Variants in ANKRD30B observed in about 807,000 individuals in gnomAD.
ANKRD30B encodes the protein ankyrin repeat domain 30B, also known as ankyrin repeat domain-containing protein 30B.
In ANKRD30B, 144 loss-of-function variants were observed where a neutral mutation model predicts 202.2. That is an observed-to-expected ratio of 0.71 (90% CI 0.62 to 0.82). ANKRD30B has a LOEUF of 0.82. Ranked by LOEUF, ANKRD30B falls within the 40% of genes least tolerant of loss-of-function variation. ANKRD30B has a pLI of 0.00. For synonymous variants in ANKRD30B, 508 were observed against 561.3 expected (o/e 0.91, Z 1.34); for missense variants, 1,487 against 1,669.1 (o/e 0.89, Z 1.90).
intron 6 of ANKRD30B, among the ~76,000 whole-genome samples, chr18:14,762,473 G>T (rs536246143): frequency 3.2e-4 from 47 of 149,012 alleles, no homozygotes; most frequent in Non-Finnish European, 6.6e-4. Flanking sequence ...GTTGAGAAGC[G>T]CAGGTTATGT....
intron 7 of ANKRD30B, among the ~76,000 whole-genome samples, chr18:14,766,300 C>T (rs1434855656): frequency 1.3e-5 from 2 of 151,066 alleles, no homozygotes; most frequent in African/African-American, 2.4e-5. Flanking sequence ...GGTGAAACCC[C>T]GTCTCTACTA....
intron 30 of ANKRD30B, among the ~76,000 whole-genome samples, chr18:14,820,325 TC>T: frequency 6.6e-6 from 1 of 152,316 alleles, no homozygotes; most frequent in East Asian, 1.9e-4. Context: ...CAATTTGACT[TC>T]CTCTTTTCCT....
At chr18:14,926,622 A>C in the ANKRD30B span, among the ~76,000 whole-genome samples, 1 of 152,246 alleles carries the variant, frequency 6.6e-6, no homozygotes, top group East Asian at 1.9e-4. Context: ...TTTAAATTTT[A>C]ACATTTTATA....
intron 9 of ANKRD30B, among the ~76,000 whole-genome samples, chr18:14,777,537 C>A (rs1358163419): frequency 2.6e-5 from 4 of 151,858 alleles, no homozygotes; most frequent in Non-Finnish European, 4.4e-5. Flanking sequence ...ACCTCGTGAT[C>A]CCCCCACCTT....
the ANKRD30B span, among the ~76,000 whole-genome samples, chr18:14,935,603 T>G: frequency 1.3e-5 from 2 of 152,130 alleles, no homozygotes; most frequent in Non-Finnish European, 2.9e-5. Flanking sequence ...TTCTTGCAAA[T>G]GTGTGTGTGT....
chr18:14,890,569 T>C, the ANKRD30B span, among the ~76,000 whole-genome samples: 1 of 151,602 alleles, frequency 6.6e-6, no homozygotes, highest in African/African-American at 2.4e-5. Flanking sequence ...CAAATTCTTA[T>C]ACCTGAGAAG....
At chr18:14,752,786 C>T (rs942545723) in intron 2 of ANKRD30B, 53 bp from the exon 3 acceptor site, 122 of 1,555,858 alleles carry the variant, frequency 7.8e-5, no homozygotes, top group Middle Eastern at 1.7e-4. Flanking sequence ...CTGTGGAATA[C>T]TTATTTTGAT....
At chr18:14,895,258 A>G in the ANKRD30B span, among the ~76,000 whole-genome samples, 834 of 151,542 alleles carry the variant, frequency 5.5e-3, 3 homozygotes, top group African/African-American at 0.019. Context: ...AAAGACCTGC[A>G]CATGTACCCC....
chr18:14,763,554 A>G (rs1236842435), intron 6 of ANKRD30B, 132 bp from the exon 7 acceptor site: 1 of 1,315,068 alleles, frequency 7.6e-7, no homozygotes, highest in Admixed American at 2.3e-5. Context: ...CATCAAAAAA[A>G]AGAGAAGAGA....
At chr18:14,809,218 TTAAC>T (rs371914096) in intron 26 of ANKRD30B, among the ~76,000 whole-genome samples, 19 of 151,038 alleles carry the variant, frequency 1.3e-4, no homozygotes, top group South Asian at 4.2e-4. Flanking sequence ...AAGTAATTCT[TTAAC>T]TAACATCTGT....
Position 14,778,035 on chromosome 18 carries a change from A to G in ANKRD30B, c.1380A>G (p.Thr460=), listed in dbSNP as rs1598604746. The change falls in exon 10 of 44, where the codon ACA becomes ACG. Residue 460 remains threonine (T), a synonymous_variant. Coordinates refer to ENST00000690538, the MANE Select transcript of ANKRD30B (RefSeq NM_001367607.2). ...ATTATACGTGTTTACCTGATGCTAC[A>G]TATCAAAAAGATATCAAAACAATAA... The part of the protein sequence containing the change: ...AQNYTCLPDA[T]YQKDIKTINH... 6.5e-7 allele frequency: 1 copy of G among 1,549,704 alleles called. No homozygotes were observed. Among genetic ancestry groups the G allele is most frequent in the Non-Finnish European group, 8.7e-7 (1 of 1,145,494 alleles).
intron 40 of ANKRD30B, 49 bp downstream of exon 40, chr18:14,848,978 G>A: frequency 1.4e-6 from 2 of 1,411,256 alleles, no homozygotes; most frequent in Non-Finnish European, 1.8e-6. Context: ...TATACTAAAA[G>A]TATGTAGGAT....
At chr18:14,860,811 TCTC>T in the ANKRD30B span, among the ~76,000 whole-genome samples, 1 of 151,986 alleles carries the variant, frequency 6.6e-6, no homozygotes, top group Non-Finnish European at 1.5e-5. Context: ...TTCAAGCAAT[TCTC>T]CTGCCTCAGC....
rs780048627 is a variant in ANKRD30B at position 14,851,631 on chromosome 18, T to G, written c.3687T>G (p.Asn1229Lys). 3 of 1,611,576 alleles carry G rather than the reference T, an allele frequency of 1.9e-6. No homozygotes were observed. In the African/African-American group the frequency reaches 4.0e-5, roughly 22 times the overall value. Residue 1229 changes from asparagine to lysine, a missense_variant, in exon 42 of 44, where the codon AAT (asparagine) becomes AAG (lysine). By Grantham distance (94) the Asn-to-Lys change is moderately conservative. Around this residue, in one of 6 missense-constraint regions of ANKRD30B, gnomAD observed 177 missense variants for 216.4 expected, o/e 0.82. Coordinates refer to ENST00000690538, the MANE Select transcript of ANKRD30B (RefSeq NM_001367607.2). ...AACATCAACACCAGGTGAAGGAAAA[T>G]AAATACTTTGAGGACATTAAGATTT... ...TLKHQHQVKENKYFEDIKILQ... is the reference protein window; with the variant it reads ...TLKHQHQVKEKKYFEDIKILQ...
chr18:14,786,770 A>G (rs1412816864), intron 14 of ANKRD30B, among the ~76,000 whole-genome samples: 4 of 152,314 alleles, frequency 2.6e-5, no homozygotes, highest in Non-Finnish European at 4.4e-5. Flanking sequence ...GGAGAAGAGG[A>G]TATGATTGCT....
rs776867847 is a variant in ANKRD30B at position 14,850,254 on chromosome 18, G to A, written c.3436G>A (p.Asp1146Asn). 9.7e-5 allele frequency: 153 copies of A among 1,584,426 alleles called. No individual in the cohort carries two copies. The highest frequency in any genetic ancestry group is 1.2e-4 in the Non-Finnish European group (145 of 1,168,438). ...AGAAGAAGAGAAGAGAAGAAATGTCGATATATTAAAAGAAAAAATTAGACC... is the reference window on the plus strand; with the variant it reads ...AGAAGAAGAGAAGAGAAGAAATGTCAATATATTAAAAGAAAAAATTAGACC... ...NQEEEKRRNV[D>N]ILKEKIRPEE... Residue 1146 changes from aspartate (D) to asparagine (N), a missense_variant, in exon 41 of 44, where the codon GAT becomes AAT. Asp to Asn is a conservative substitution (Grantham distance 23). This residue lies in a region of ANKRD30B where 177 missense variants were observed against 216.4 expected (regional missense o/e 0.82). Transcript: ENST00000690538.
intron 16 of ANKRD30B, 67 bp downstream of exon 16, chr18:14,791,558 A>G: frequency 8.0e-7 from 1 of 1,253,102 alleles, no homozygotes; most frequent in Non-Finnish European, 1.1e-6. Context: ...GAGGAAGGAT[A>G]TCCTCTAATA....
At chr18:14,925,166 G>C in the ANKRD30B span, among the ~76,000 whole-genome samples, 1 of 152,180 alleles carries the variant, frequency 6.6e-6, no homozygotes, top group Admixed American at 6.5e-5. Flanking sequence ...GAATCTGAGT[G>C]GAGGGTCAGA....
the ANKRD30B span, among the ~76,000 whole-genome samples, chr18:14,879,827 T>C: frequency 0.97 from 147,959 of 152,010 alleles, 72,141 homozygotes; most frequent in Middle Eastern, 1. Flanking sequence ...GGGTCCCACT[T>C]TGTGGGTTGT....
Sources: gnomAD v4.1 joint callset for allele counts (sites outside exome capture counted in the v4.1 genomes callset) on GRCh38, gnomAD v4.1.1 for gene constraint, gnomAD v4.1.1 regional missense constraint, MANE v1.5 for transcripts, NCBI Gene and HGNC (gene_info 2026-07-23, HGNC 2026-07-21) for gene names.